ROBO1: variants seen among roughly 807,000 people sequenced by gnomAD.
ROBO1 encodes roundabout homolog 1.
A neutral mutation model predicts 195.9 loss-of-function variants in ROBO1; 149 were observed. The ratio of observed to expected loss-of-function variants is 0.76; its 90% CI spans 0.67 to 0.87. The LOEUF (loss-of-function observed/expected upper bound fraction) is 0.87. ROBO1 is among the 40% of genes least tolerant of loss of function. The pLI is 0.00. For synonymous variants in ROBO1, 816 were observed against 733.2 expected, an observed-to-expected ratio of 1.11 and a Z score of -1.82; for missense variants, 1,933 against 2,068.3, an observed-to-expected ratio of 0.93 and a Z score of 1.27.
intron 10 of ROBO1, among the ~76,000 whole-genome samples, chr3:78,682,716 TAC>T (rs946827437): frequency 2.7e-5 from 4 of 147,780 alleles, no homozygotes; most frequent in Non-Finnish European, 4.5e-5. Flanking sequence ...AATATATATA[TAC>T]ACAGTCACAT....
chr3:79,290,499 T>C (rs2109026159), intron 2 of ROBO1, among the ~76,000 whole-genome samples: 1 of 152,262 alleles, frequency 6.6e-6, no homozygotes, highest in East Asian at 1.9e-4. Context: ...ACCTAGTATT[T>C]TCTTGGTTAC....
chr3:79,056,948 G>A (rs577505894), intron 3 of ROBO1, among the ~76,000 whole-genome samples: 307 of 152,192 alleles, frequency 2.0e-3, no homozygotes, highest in African/African-American at 6.9e-3. Context: ...GATTTGATCC[G>A]AATTTAATTG....
At chr3:79,139,186 A>G (rs2080473296) in intron 2 of ROBO1, among the ~76,000 whole-genome samples, 1 of 151,788 alleles carries the variant, frequency 6.6e-6, no homozygotes, top group Admixed American at 6.6e-5. Context: ...AAACAATTCT[A>G]TTAACATAAA....
At chr3:78,916,391 A>C (rs2038590428) in intron 4 of ROBO1, among the ~76,000 whole-genome samples, 1 of 151,828 alleles carries the variant, frequency 6.6e-6, no homozygotes, top group African/African-American at 2.4e-5. Flanking sequence ...ATCTCTACTA[A>C]AAATACAAGA....
chr3:79,174,887 A>T (rs1009919212), intron 2 of ROBO1, among the ~76,000 whole-genome samples: 2 of 151,778 alleles, frequency 1.3e-5, no homozygotes, highest in Non-Finnish European at 2.9e-5. Context: ...TTACCAATTT[A>T]GAAAAATCCT....
intron 2 of ROBO1, among the ~76,000 whole-genome samples, chr3:79,575,425 TAA>T (rs1295440012): frequency 8.0e-6 from 1 of 124,826 alleles, no homozygotes; most frequent in Non-Finnish European, 1.6e-5. Context: ...AATATATATA[TAA>T]ATATATATAT....
intron 2 of ROBO1, among the ~76,000 whole-genome samples, chr3:79,153,161 A>T (rs1056810859): frequency 3.3e-5 from 5 of 151,628 alleles, no homozygotes; most frequent in Non-Finnish European, 5.9e-5. Flanking sequence ...TACATTTAAA[A>T]ATTTTGGAAA....
intron 1 of ROBO1, among the ~76,000 whole-genome samples, chr3:79,706,922 G>T (rs1247773373): frequency 2.0e-5 from 3 of 151,916 alleles, no homozygotes; most frequent in African/African-American, 4.8e-5. Context: ...TTTTGGTGAG[G>T]ATTTTTACAT....
intron 2 of ROBO1, among the ~76,000 whole-genome samples, chr3:79,278,611 T>A (rs1480870638): frequency 6.6e-6 from 1 of 152,088 alleles, no homozygotes; most frequent in Non-Finnish European, 1.5e-5. Flanking sequence ...TTTCAATAAG[T>A]TTTGCTGGGA....
At chr3:79,358,806 C>A (rs550047022) in intron 2 of ROBO1, among the ~76,000 whole-genome samples, 3 of 152,126 alleles carry the variant, frequency 2.0e-5, no homozygotes, top group Non-Finnish European at 4.4e-5. Context: ...AGGAAAGACA[C>A]ACACAATTAT....
chr3:79,679,885 G>A (rs1485389311), intron 1 of ROBO1, among the ~76,000 whole-genome samples: 2 of 152,024 alleles, frequency 1.3e-5, no homozygotes, highest in African/African-American at 4.8e-5. Context: ...AGGACATCAA[G>A]AGGAACAGTG....
At chr3:79,167,729 T>C (rs751533587) in intron 2 of ROBO1, among the ~76,000 whole-genome samples, 4 of 152,220 alleles carry the variant, frequency 2.6e-5, no homozygotes, top group African/African-American at 7.2e-5. Context: ...CATTCTGCCT[T>C]GGTAATTAAG....
intron 1 of ROBO1, among the ~76,000 whole-genome samples, chr3:79,766,726 C>T (rs1185981938): frequency 6.6e-6 from 1 of 152,112 alleles, no homozygotes; most frequent in Non-Finnish European, 1.5e-5. Flanking sequence ...CGCGCCAACG[C>T]TGGAACCGAA....
chr3:79,635,455 A>AT (rs1405014555), intron 1 of ROBO1, among the ~76,000 whole-genome samples: 1 of 152,106 alleles, frequency 6.6e-6, no homozygotes, highest in Non-Finnish European at 1.5e-5. Flanking sequence ...AGTAAATTAT[A>AT]TTTTTTCATT....
intron 4 of ROBO1, among the ~76,000 whole-genome samples, chr3:78,752,386 T>C (rs2082819752): frequency 6.6e-6 from 1 of 152,178 alleles, no homozygotes; most frequent in Non-Finnish European, 1.5e-5. Context: ...TGTTGACGTC[T>C]GTCAAAAAAC....
intron 2 of ROBO1, among the ~76,000 whole-genome samples, chr3:79,405,277 A>G (rs940299615): frequency 6.6e-6 from 1 of 152,184 alleles, no homozygotes; most frequent in Non-Finnish European, 1.5e-5. Flanking sequence ...TTCTAAAGCA[A>G]TGCCTGAGAT....
chr3:78,969,343 A>C (rs2076713999), intron 3 of ROBO1, among the ~76,000 whole-genome samples: 1 of 152,192 alleles, frequency 6.6e-6, no homozygotes. Context: ...GGTAGAAGAC[A>C]GCACTACAAG....
In ROBO1 at chr3:78,683,188, CA is replaced by C. The variant is rs1401063259; in HGVS notation, c.1342+2557del. Reference sequence around the variant, plus strand: ...ATGAAACACCTAGGTATAAATGTACCAAAATATGTGCAAAGCCTTTAGTCTT... The same window carrying C: ...ATGAAACACCTAGGTATAAATGTACCAAATATGTGCAAAGCCTTTAGTCTT... On this transcript the variant is annotated intron_variant, in intron 10 of 30. Transcript: ENST00000464233. Among the ~76,000 whole-genome samples the C allele has an allele frequency of 3.3e-5, 5 of 151,902 alleles. No homozygotes were observed. In the East Asian group the frequency reaches 9.7e-4, roughly 29 times the overall value.
At chr3:78,618,755 T>A (rs1507421) in intron 26 of ROBO1, among the ~76,000 whole-genome samples, 47,740 of 151,916 alleles carry the variant, frequency 0.31, 9,162 homozygotes, top group Admixed American at 0.43. Context: ...TTTTTTCTTA[T>A]GTCCTGGAAT....
Sources: allele counts gnomAD v4.1 joint callset (sites outside exome capture counted in the v4.1 genomes callset), GRCh38; gene constraint gnomAD v4.1.1; transcripts MANE v1.5; gene names NCBI Gene and HGNC (gene_info 2026-07-23, HGNC 2026-07-21).